The following FRMD6 variants were observed in gnomAD, a reference collection of about 807,000 sequenced individuals.
FRMD6 encodes FERM domain-containing protein 6.
FRMD6 carries 37 observed loss-of-function variants against 73.2 expected under a neutral mutation model. That is an observed-to-expected ratio of 0.51 (90% confidence interval 0.39 to 0.66). FRMD6 has a LOEUF of 0.66. FRMD6 is among the 30% of genes least tolerant of loss of function. The pLI is 0.00. For missense variants in FRMD6, 714 were observed against 780.5 expected, an observed-to-expected ratio of 0.91 and a Z score of 1.02; for synonymous variants, 273 against 282.2, an observed-to-expected ratio of 0.97 and a Z score of 0.33.
the FRMD6 span, among the ~76,000 whole-genome samples, chr14:51,456,837 G>C: frequency 6.6e-6 from 1 of 152,170 alleles, no homozygotes; most frequent in Non-Finnish European, 1.5e-5. Context: ...ATGAAATTCT[G>C]TTCTTTGCAG....
intron 2 of FRMD6, among the ~76,000 whole-genome samples, chr14:51,585,994 A>G (rs1316251144): frequency 8.7e-6 from 1 of 114,384 alleles, no homozygotes; most frequent in Non-Finnish European, 1.9e-5. Flanking sequence ...GTTGATGGGT[A>G]CTTGGATTGA....
At chr14:51,591,093 G>A (rs974462505) in intron 2 of FRMD6, among the ~76,000 whole-genome samples, 8 of 151,820 alleles carry the variant, frequency 5.3e-5, no homozygotes, top group African/African-American at 7.3e-5. Flanking sequence ...TTTTGTTTTC[G>A]TATAAAATTG....
rs1594586206 is a variant in FRMD6 at position 51,601,994 on chromosome 14, A to G, written c.-147+31584A>G. 2.0e-5 allele frequency among the ~76,000 whole-genome samples: 3 copies of G among 152,222 alleles called. No individual in the cohort carries two copies. The South Asian group carries it at 6.2e-4, about 32-fold the overall frequency. ...GGCAAGCCTTATAATACCAAAATCAACTTCCTAAATGAAGAGCTGGGTATC... is the reference window on the plus strand; with the variant it reads ...GGCAAGCCTTATAATACCAAAATCAGCTTCCTAAATGAAGAGCTGGGTATC... On this transcript the variant is annotated intron_variant, in intron 2 of 14. Coordinates refer to the FRMD6 transcript ENST00000356218.
intron 12 of FRMD6, among the ~76,000 whole-genome samples, chr14:51,723,902 A>T (rs537526488): frequency 6.6e-6 from 1 of 152,326 alleles, no homozygotes; most frequent in East Asian, 1.9e-4. Flanking sequence ...GTAAATAGTA[A>T]AAATTATATA....
chr14:51,571,473 G>T (rs1276962984), intron 2 of FRMD6, among the ~76,000 whole-genome samples: 1 of 152,124 alleles, frequency 6.6e-6, no homozygotes, highest in East Asian at 1.9e-4. Context: ...AAACAGCCTG[G>T]ATAGCTACCC....
At chr14:51,724,100 TA>T (rs1897805451) in intron 12 of FRMD6, 1 of 152,126 alleles carries the variant, frequency 6.6e-6, no homozygotes, top group Admixed American at 6.5e-5. Flanking sequence ...AACATTCAGC[TA>T]AGTACTCGCC....
At chr14:51,461,143 A>G in the FRMD6 span, among the ~76,000 whole-genome samples, 1 of 152,234 alleles carries the variant, frequency 6.6e-6, no homozygotes, top group African/African-American at 2.4e-5. Flanking sequence ...TTTCCCAGAA[A>G]GATAAAGCAC....
the FRMD6 span, among the ~76,000 whole-genome samples, chr14:51,450,498 A>G: frequency 4.0e-3 from 607 of 152,282 alleles, 4 homozygotes; most frequent in African/African-American, 0.014. Flanking sequence ...CATTCAAAAG[A>G]TTCTGCCAGC....
chr14:51,655,587 G>T (rs551075520), intron 1 of FRMD6, among the ~76,000 whole-genome samples: 1 of 152,172 alleles, frequency 6.6e-6, no homozygotes, highest in East Asian at 1.9e-4. Context: ...AAGTTAAAGG[G>T]ATAATTTGAG....
At chr14:51,673,309 A>G (rs1184486618) in intron 1 of FRMD6, among the ~76,000 whole-genome samples, 2 of 151,994 alleles carry the variant, frequency 1.3e-5, no homozygotes, top group East Asian at 3.9e-4. Context: ...TAGCCAATGT[A>G]CCAGGAGAAC....
intron 1 of FRMD6, among the ~76,000 whole-genome samples, chr14:51,686,472 C>T (rs960038767): frequency 1.3e-5 from 2 of 152,054 alleles, no homozygotes; most frequent in African/African-American, 4.8e-5. Flanking sequence ...ACCATTGGGA[C>T]TTATCAGGAA....
At chr14:51,691,380 G>A (rs561377933) in intron 2 of FRMD6, among the ~76,000 whole-genome samples, 45 of 152,134 alleles carry the variant, frequency 3.0e-4, no homozygotes, top group African/African-American at 1.1e-3. Context: ...GTTACACTAT[G>A]TTTAGCCTTG....
chr14:51,429,898 C>T, the FRMD6 span, among the ~76,000 whole-genome samples: 1 of 152,134 alleles, frequency 6.6e-6, no homozygotes, highest in African/African-American at 2.4e-5. Flanking sequence ...CATCAATTTC[C>T]TCTTGATTGC....
At chr14:51,441,853 A>C in the FRMD6 span, among the ~76,000 whole-genome samples, 1 of 152,356 alleles carries the variant, frequency 6.6e-6, no homozygotes, top group African/African-American at 2.4e-5. Context: ...AATTACTGTA[A>C]ATATGCAGTG....
In FRMD6 at chr14:51,708,095, G is replaced by C; in HGVS notation, c.576G>C (p.Gly192=). 1 of 1,613,150 alleles carries C rather than the reference G, an allele frequency of 6.2e-7. No individual in the cohort carries two copies. The highest frequency in any genetic ancestry group is 8.5e-7 in the Non-Finnish European group (1 of 1,179,410). ...YFPSWVVSKR[G]KDYILKHIPN... ...CCCAACAGGTTGTTTCCAAGAGGGG[G>C]AAGGACTACATCCTGAAGCACATTC... The change falls in exon 7 of 14, where the codon GGG becomes GGC. Residue 192 remains glycine (G), a synonymous_variant. Transcript: ENST00000344768.
chr14:51,653,968 C>T (rs993303963), intron 1 of FRMD6, among the ~76,000 whole-genome samples: 1 of 152,118 alleles, frequency 6.6e-6, no homozygotes, highest in East Asian at 1.9e-4. Flanking sequence ...AACTAATTTT[C>T]CCCCCTTTGA....
upstream of FRMD6, among the ~76,000 whole-genome samples, chr14:51,486,104 G>T (rs1882755944): frequency 6.6e-6 from 1 of 150,780 alleles, no homozygotes; most frequent in South Asian, 2.1e-4. Flanking sequence ...GCGCGATTTC[G>T]GCTCACTGCA....
At chr14:51,699,147 C>A (rs1337903332) in intron 3 of FRMD6, among the ~76,000 whole-genome samples, 1 of 151,994 alleles carries the variant, frequency 6.6e-6, no homozygotes, top group Non-Finnish European at 1.5e-5. Context: ...GGCCCCTTTC[C>A]CCCAAAATGT....
chr14:51,494,660 G>A (rs1883194084), intron 1 of FRMD6, among the ~76,000 whole-genome samples: 1 of 152,160 alleles, frequency 6.6e-6, no homozygotes, highest in Non-Finnish European at 1.5e-5. Flanking sequence ...TAGGGTCATG[G>A]GGGCAGCCTC....
Sources: gnomAD v4.1 joint callset for allele counts (sites outside exome capture counted in the v4.1 genomes callset) on GRCh38, gnomAD v4.1.1 for gene constraint, MANE v1.5 for transcripts, NCBI Gene and HGNC (gene_info 2026-07-23, HGNC 2026-07-21) for gene names.